The following LRRC4C variants were observed in gnomAD, a reference collection of about 807,000 sequenced individuals.
The protein encoded by LRRC4C is leucine-rich repeat-containing protein 4C.
Under a neutral mutation model 33.6 loss-of-function variants are expected in LRRC4C, and 5 were observed. The ratio of observed to expected loss-of-function variants is 0.15; its 90% CI spans 0.08 to 0.31. LRRC4C has a LOEUF of 0.31. LRRC4C is among the 10% of genes least tolerant of loss of function. The pLI is 1.00. For missense variants in LRRC4C, 560 were observed against 796.7 expected (o/e 0.70, Z 3.58); for synonymous variants, 329 against 302.0 (o/e 1.09, Z -0.93).
intron 2 of LRRC4C, among the ~76,000 whole-genome samples, chr11:40,739,035 G>A (rs1039822896): frequency 3.5e-5 from 2 of 57,440 alleles, no homozygotes; most frequent in East Asian, 6.3e-4. Context: ...GTGTATGTGT[G>A]TGTGTGTGTG....
intron 1 of LRRC4C, among the ~76,000 whole-genome samples, chr11:41,447,386 T>C (rs7105487): frequency 0.49 from 74,766 of 151,972 alleles, 18,708 homozygotes; most frequent in Middle Eastern, 0.6. Context: ...TGTACTAAAC[T>C]CTATTTTGAA....
intron 1 of LRRC4C, among the ~76,000 whole-genome samples, chr11:40,989,203 C>A (rs752024324): frequency 6.6e-6 from 1 of 152,136 alleles, no homozygotes; most frequent in East Asian, 1.9e-4. Context: ...TTTTTGATAT[C>A]TTGAGCCTAG....
At chr11:41,166,918 C>T (rs1944755783) in intron 1 of LRRC4C, among the ~76,000 whole-genome samples, 1 of 152,076 alleles carries the variant, frequency 6.6e-6, no homozygotes, top group Admixed American at 6.6e-5. Flanking sequence ...TAACACAACC[C>T]CTCTCCCCCA....
At chr11:41,326,708 C>A (rs990415316) in intron 1 of LRRC4C, among the ~76,000 whole-genome samples, 1 of 152,088 alleles carries the variant, frequency 6.6e-6, no homozygotes, top group African/African-American at 2.4e-5. Context: ...CACTGTGATC[C>A]GCTATGTGAA....
intron 3 of LRRC4C, among the ~76,000 whole-genome samples, chr11:40,472,175 G>C (rs1010938726): frequency 6.6e-6 from 1 of 151,982 alleles, no homozygotes; most frequent in African/African-American, 2.4e-5. Context: ...AGCTACTTGG[G>C]AGGCTGAGGC....
chr11:41,198,677 G>A (rs1405338506), intron 1 of LRRC4C, among the ~76,000 whole-genome samples: 1 of 151,398 alleles, frequency 6.6e-6, no homozygotes, highest in Non-Finnish European at 1.5e-5. Context: ...TTTGGTCTGT[G>A]GGAAAGACAC....
chr11:41,365,792 C>T (rs1952513606), intron 1 of LRRC4C, among the ~76,000 whole-genome samples: 2 of 152,158 alleles, frequency 1.3e-5, no homozygotes, highest in Admixed American at 1.3e-4. Flanking sequence ...AATGTACCTG[C>T]ATGGTGGGAT....
At chr11:40,759,862 G>A (rs1030280964) in intron 2 of LRRC4C, among the ~76,000 whole-genome samples, 3 of 151,070 alleles carry the variant, frequency 2.0e-5, no homozygotes, top group Admixed American at 6.6e-5. Flanking sequence ...GTTGAAAGTC[G>A]GGAATTAGAA....
chr11:40,440,843 T>TACTG (rs1179027426), intron 3 of LRRC4C, among the ~76,000 whole-genome samples: 1 of 145,664 alleles, frequency 6.9e-6, no homozygotes, highest in African/African-American at 2.6e-5. Context: ...TGTGCACAGC[T>TACTG]GCAATCTCTT....
chr11:40,262,287 C>A (rs1248056044), intron 4 of LRRC4C, among the ~76,000 whole-genome samples: 1 of 152,044 alleles, frequency 6.6e-6, no homozygotes, highest in Non-Finnish European at 1.5e-5. Context: ...ATTATTATAC[C>A]ACCTCACACC....
At chr11:41,147,957 T>C (rs1943804168) in intron 1 of LRRC4C, among the ~76,000 whole-genome samples, 1 of 151,988 alleles carries the variant, frequency 6.6e-6, no homozygotes, top group Non-Finnish European at 1.5e-5. Flanking sequence ...CTGGGCGTGG[T>C]GGCACATGCC....
At position 40,649,643 on chromosome 11, in the gene LRRC4C, GAGTAA is replaced by G. The variant is rs572023795; in HGVS notation, c.-406-1370_-406-1366del. Among the ~76,000 whole-genome samples the G allele has an allele frequency of 2.9e-3, 447 of 152,292 alleles. 4 individuals carry two copies. Among genetic ancestry groups the G allele is most frequent in the African/African-American group, 0.01 (422 of 41,556 alleles). ...GTTTATGAAGATAACAGGATTAAGAGAGTAAAGTAAAGACAGGCATAAAAAATTAT... is the reference window on the plus strand; with the variant it reads ...GTTTATGAAGATAACAGGATTAAGAGAGTAAAGACAGGCATAAAAAATTAT... On this transcript the variant is annotated intron_variant, in intron 2 of 6. Coordinates refer to ENST00000528697, the MANE Select transcript of LRRC4C (RefSeq NM_001258419.2).
chr11:40,385,037 G>A (rs901290045), intron 3 of LRRC4C, among the ~76,000 whole-genome samples: 5 of 151,740 alleles, frequency 3.3e-5, no homozygotes, highest in Non-Finnish European at 7.4e-5. Flanking sequence ...AATATACATA[G>A]GTATATTGAA....
chr11:40,336,409 T>C (rs951038202), intron 3 of LRRC4C, among the ~76,000 whole-genome samples: 2 of 152,160 alleles, frequency 1.3e-5, no homozygotes, highest in African/African-American at 4.8e-5. Flanking sequence ...GCTTGCTATA[T>C]GAAGACGCCT....
chr11:41,284,324 G>A (rs1347423209), intron 1 of LRRC4C, among the ~76,000 whole-genome samples: 2 of 152,192 alleles, frequency 1.3e-5, no homozygotes, highest in East Asian at 1.9e-4. Flanking sequence ...GCACACAAAT[G>A]TAAGTAATGA....
At chr11:41,272,611 A>G (rs1949356245) in intron 1 of LRRC4C, among the ~76,000 whole-genome samples, 1 of 152,122 alleles carries the variant, frequency 6.6e-6, no homozygotes, top group African/African-American at 2.4e-5. Flanking sequence ...AAACACATAT[A>G]TTATTCATAG....
At chr11:40,591,063 G>A (rs1469562911) in intron 3 of LRRC4C, among the ~76,000 whole-genome samples, 2 of 152,082 alleles carry the variant, frequency 1.3e-5, no homozygotes, top group East Asian at 1.9e-4. Context: ...AATGGTGGGC[G>A]CCCCTCCCCC....
intron 1 of LRRC4C, among the ~76,000 whole-genome samples, chr11:41,345,598 T>C (rs1951778169): frequency 6.6e-6 from 1 of 152,182 alleles, no homozygotes; most frequent in Non-Finnish European, 1.5e-5. Context: ...TAGAAATATT[T>C]TTTAAGAATC....
chr11:41,017,747 T>C (rs187202402), intron 1 of LRRC4C, among the ~76,000 whole-genome samples: 200 of 150,396 alleles, frequency 1.3e-3, no homozygotes, highest in Non-Finnish European at 2.1e-3. Flanking sequence ...ATAATCTTTA[T>C]ACTCAAATTA....
Sources: gnomAD v4.1 joint callset for allele counts (sites outside exome capture counted in the v4.1 genomes callset) on GRCh38, gnomAD v4.1.1 for gene constraint, MANE v1.5 for transcripts, NCBI Gene and HGNC (gene_info 2026-07-23, HGNC 2026-07-21) for gene names.